The following DLGAP1 variants were observed in gnomAD, a reference collection of about 807,000 sequenced individuals.
The protein encoded by DLGAP1 is disks large-associated protein 1.
Under a neutral mutation model 90.8 loss-of-function variants are expected in DLGAP1, and 11 were observed. The ratio of observed to expected loss-of-function variants is 0.12; its 90% CI spans 0.08 to 0.20. The LOEUF is 0.20. Among genes scored for constraint, DLGAP1 ranks in the 10% least tolerant of loss-of-function variants. The pLI is 1.00. For missense variants in DLGAP1, 1,050 were observed against 1,333.8 expected, an observed-to-expected ratio of 0.79 and a Z score of 3.31; for synonymous variants, 558 against 540.7, an observed-to-expected ratio of 1.03 and a Z score of -0.44.
chr18:4,009,215 C>T (rs1323887073), intron 2 of DLGAP1, among the ~76,000 whole-genome samples: 3 of 152,204 alleles, frequency 2.0e-5, no homozygotes, highest in Non-Finnish European at 4.4e-5. Context: ...CACCGAGTCT[C>T]TTTAGACTCC....
chr18:3,893,698 A>G (rs1470948761), intron 3 of DLGAP1, among the ~76,000 whole-genome samples: 1 of 151,876 alleles, frequency 6.6e-6, no homozygotes, highest in Non-Finnish European at 1.5e-5. Flanking sequence ...TGCAATAAAC[A>G]TGAGTGCAGG....
At chr18:4,001,409 T>C (rs1387014510) in intron 3 of DLGAP1, among the ~76,000 whole-genome samples, 1 of 152,160 alleles carries the variant, frequency 6.6e-6, no homozygotes, top group Non-Finnish European at 1.5e-5. Flanking sequence ...GGCATGCTTT[T>C]ATTGTCTGCG....
intron 1 of DLGAP1, among the ~76,000 whole-genome samples, chr18:4,347,787 T>G (rs2081326443): frequency 6.6e-6 from 1 of 152,116 alleles, no homozygotes; most frequent in African/African-American, 2.4e-5. Flanking sequence ...ATCTATTATT[T>G]TACTGAAAGT....
At chr18:3,521,845 G>C (rs2051213870) in intron 10 of DLGAP1, among the ~76,000 whole-genome samples, 2 of 152,120 alleles carry the variant, frequency 1.3e-5, no homozygotes, top group Non-Finnish European at 2.9e-5. Flanking sequence ...ATATCAACCA[G>C]AAAAACAAAC....
chr18:3,806,348 GTTCCT>G (rs2066559161), intron 5 of DLGAP1, among the ~76,000 whole-genome samples: 1 of 152,172 alleles, frequency 6.6e-6, no homozygotes, highest in Admixed American at 6.5e-5. Context: ...TGAATTTTAA[GTTCCT>G]TTCTTCTTTG....
intron 1 of DLGAP1, among the ~76,000 whole-genome samples, chr18:4,217,103 A>C (rs1263503033): frequency 6.6e-6 from 1 of 151,918 alleles, no homozygotes; most frequent in Non-Finnish European, 1.5e-5. Flanking sequence ...TTTCACCTAT[A>C]CCAGAATGTG....
At chr18:4,164,844 T>C (rs1018356347) in intron 1 of DLGAP1, among the ~76,000 whole-genome samples, 7 of 151,870 alleles carry the variant, frequency 4.6e-5, no homozygotes, top group Non-Finnish European at 8.8e-5. Flanking sequence ...AAAACATAAT[T>C]ATTTTTAAAA....
chr18:4,092,574 T>C (rs2143770579), intron 2 of DLGAP1, among the ~76,000 whole-genome samples: 1 of 152,268 alleles, frequency 6.6e-6, no homozygotes, highest in South Asian at 2.1e-4. Context: ...AGATTGTTTT[T>C]TTTCCTTGTA....
chr18:4,379,292 C>G (rs2082072863), intron 1 of DLGAP1, among the ~76,000 whole-genome samples: 1 of 152,052 alleles, frequency 6.6e-6, no homozygotes, highest in African/African-American at 2.4e-5. Context: ...CTGCTTTGTT[C>G]CCCAGGCTTT....
At chr18:4,180,559 G>C (rs1409686901) in intron 1 of DLGAP1, among the ~76,000 whole-genome samples, 1 of 152,042 alleles carries the variant, frequency 6.6e-6, no homozygotes, top group African/African-American at 2.4e-5. Flanking sequence ...TAATAAACTG[G>C]GATCTGATGT....
chr18:3,791,377 G>A (rs1018378269), intron 5 of DLGAP1, among the ~76,000 whole-genome samples: 3 of 152,156 alleles, frequency 2.0e-5, no homozygotes, highest in African/African-American at 7.2e-5. Context: ...ATATACAGTT[G>A]TTACTACAAT....
intron 7 of DLGAP1, among the ~76,000 whole-genome samples, chr18:3,658,613 A>G (rs2059579757): frequency 6.6e-6 from 1 of 152,252 alleles, no homozygotes; most frequent in South Asian, 2.1e-4. Context: ...AGTCATTGAC[A>G]ATCAACTAGT....
intron 6 of DLGAP1, among the ~76,000 whole-genome samples, chr18:3,736,098 C>T (rs2062625948): frequency 2.0e-5 from 3 of 152,066 alleles, no homozygotes; most frequent in Admixed American, 2.0e-4. Flanking sequence ...GATGTAGAAA[C>T]CCAACATGTT....
At chr18:4,007,512 C>T (rs560394117) in intron 2 of DLGAP1, among the ~76,000 whole-genome samples, 26 of 152,056 alleles carry the variant, frequency 1.7e-4, no homozygotes, top group African/African-American at 5.5e-4. Context: ...AAAAATTAGC[C>T]GGGCGTGGTG....
chr18:4,346,736 A>G (rs1206578250), intron 1 of DLGAP1, among the ~76,000 whole-genome samples: 1 of 152,190 alleles, frequency 6.6e-6, no homozygotes, highest in Non-Finnish European at 1.5e-5. Flanking sequence ...TTTGTGATAC[A>G]ATAGCATTGC....
chr18:4,428,161 G>A (rs1355374164), intron 1 of DLGAP1, among the ~76,000 whole-genome samples: 2 of 152,198 alleles, frequency 1.3e-5, no homozygotes, highest in Non-Finnish European at 2.9e-5. Flanking sequence ...GTAATCTCCA[G>A]TGTTGGTGGT....
At chr18:4,299,701 A>C (rs1373388151) in intron 1 of DLGAP1, among the ~76,000 whole-genome samples, 5 of 132,540 alleles carry the variant, frequency 3.8e-5, no homozygotes, top group East Asian at 2.1e-4. Flanking sequence ...AAACACACAC[A>C]AAAAAAACAA....
intron 1 of DLGAP1, among the ~76,000 whole-genome samples, chr18:4,170,052 ACATGATGATGGAAGGTTGTTTC>A (rs1357727353): frequency 1.3e-5 from 2 of 152,162 alleles, no homozygotes; most frequent in Non-Finnish European, 1.5e-5. Context: ...TTTAAGAGAC[ACATGATGATGGAAGGTTGTTTC>A]CACGATGATG....
intron 2 of DLGAP1, among the ~76,000 whole-genome samples, chr18:4,146,608 A>G (rs1212467798): frequency 2.0e-5 from 3 of 152,156 alleles, no homozygotes; most frequent in Non-Finnish European, 4.4e-5. Flanking sequence ...AGGTAATAAC[A>G]AAGTTGGGGC....
Sources: allele counts gnomAD v4.1 joint callset (sites outside exome capture counted in the v4.1 genomes callset), GRCh38; gene constraint gnomAD v4.1.1; transcripts MANE v1.5; gene names NCBI Gene and HGNC (gene_info 2026-07-23, HGNC 2026-07-21).